PTPRM: variants seen among roughly 807,000 people sequenced by gnomAD.
The protein encoded by PTPRM is receptor-type tyrosine-protein phosphatase mu.
Under a neutral mutation model 186.7 loss-of-function variants are expected in PTPRM, and 47 were observed. The ratio of observed to expected loss-of-function variants is 0.25; its 90% CI spans 0.20 to 0.32. PTPRM has a LOEUF of 0.32. PTPRM is among the 10% of genes least tolerant of loss of function. The probability of loss-of-function intolerance (pLI) is 1.00; values close to 1 mark genes in which losing one functional copy is unlikely to be tolerated. For synonymous variants in PTPRM, 668 were observed against 674.9 expected, an observed-to-expected ratio of 0.99 and a Z score of 0.16; for missense variants, 1,494 against 1,865.0, an observed-to-expected ratio of 0.80 and a Z score of 3.66.
intron 1 of PTPRM, among the ~76,000 whole-genome samples, chr18:7,572,790 TTA>T (rs1211390296): frequency 4.6e-5 from 7 of 152,300 alleles, no homozygotes; most frequent in Non-Finnish European, 8.8e-5. Context: ...AACATGCATG[TTA>T]ATAGGCTTAT....
chr18:7,678,359 C>G (rs911165053), intron 1 of PTPRM, among the ~76,000 whole-genome samples: 3 of 152,172 alleles, frequency 2.0e-5, no homozygotes, highest in Non-Finnish European at 4.4e-5. Context: ...GTTTCCCAAT[C>G]TGGGTGATAA....
At chr18:8,282,648 G>C (rs2094916365) in intron 19 of PTPRM, among the ~76,000 whole-genome samples, 1 of 152,152 alleles carries the variant, frequency 6.6e-6, no homozygotes, top group African/African-American at 2.4e-5. Context: ...GGCGACAAGA[G>C]CTAAACCCTG....
intron 31 of PTPRM, among the ~76,000 whole-genome samples, chr18:8,387,750 G>A (rs569297816): frequency 6.2e-5 from 5 of 80,542 alleles, no homozygotes; most frequent in South Asian, 3.6e-4. Context: ...GTGTGTGTGC[G>A]TGTGTGCGTG....
intron 7 of PTPRM, among the ~76,000 whole-genome samples, chr18:8,040,670 T>G (rs1038928439): frequency 6.6e-6 from 1 of 152,206 alleles, no homozygotes; most frequent in Non-Finnish European, 1.5e-5. Context: ...GTCAGATATT[T>G]AAAACAGTAA....
chr18:7,568,613 G>T lies in PTPRM; in HGVS notation c.73+722G>T, dbSNP rs2036494085. ...CCCCCTCCCCACCCTCGTCCCCCTAGCGGAGCGCCGCGGCCAGCTGCAACT... is the reference window on the plus strand; with the variant it reads ...CCCCCTCCCCACCCTCGTCCCCCTATCGGAGCGCCGCGGCCAGCTGCAACT... On this transcript the variant is annotated intron_variant, in intron 1 of 32. Coordinates refer to ENST00000580170, the MANE Select transcript of PTPRM (RefSeq NM_001105244.2). The surrounding 1 kb of genome is among the most constrained non-coding windows in gnomAD (Gnocchi z 5.1). 6.6e-6 allele frequency among the ~76,000 whole-genome samples: 1 copy of T among 152,322 alleles called. No individual in the cohort carries two copies. Among genetic ancestry groups the T allele is most frequent in the East Asian group, 1.9e-4 (1 of 5,166 alleles).
chr18:8,046,184 C>T (rs1174942287), intron 7 of PTPRM, among the ~76,000 whole-genome samples: 1 of 152,132 alleles, frequency 6.6e-6, no homozygotes, highest in Non-Finnish European at 1.5e-5. Flanking sequence ...TGTAAGTTTC[C>T]TGAGATCTCC....
intron 1 of PTPRM, among the ~76,000 whole-genome samples, chr18:7,702,462 A>C (rs535279814): frequency 6.6e-6 from 1 of 151,908 alleles, no homozygotes; most frequent in African/African-American, 2.4e-5. Flanking sequence ...GGTTTTTTTC[A>C]TGTTTGTTGG....
intron 6 of PTPRM, among the ~76,000 whole-genome samples, chr18:7,952,124 A>G (rs73381860): frequency 0.019 from 2,878 of 152,332 alleles, 106 homozygotes; most frequent in African/African-American, 0.066. Context: ...TTACGTTTCT[A>G]TATTTCATAT....
chr18:8,273,846 G>A (rs2094801881), intron 19 of PTPRM, among the ~76,000 whole-genome samples: 1 of 152,200 alleles, frequency 6.6e-6, no homozygotes, highest in Non-Finnish European at 1.5e-5. Context: ...TGATGGAAAA[G>A]CAGTTTGCTC....
At chr18:7,981,380 G>C (rs1296415312) in intron 7 of PTPRM, among the ~76,000 whole-genome samples, 1 of 152,152 alleles carries the variant, frequency 6.6e-6, no homozygotes, top group East Asian at 1.9e-4. Flanking sequence ...GCTTTCAACA[G>C]ATATTTTGGA....
chr18:7,679,236 T>C (rs1404917104), intron 1 of PTPRM, among the ~76,000 whole-genome samples: 1 of 152,268 alleles, frequency 6.6e-6, no homozygotes, highest in Non-Finnish European at 1.5e-5. Flanking sequence ...GAAGATATAC[T>C]GTTTAAGTAT....
At chr18:7,948,957 T>C (rs1216868460) in intron 5 of PTPRM, among the ~76,000 whole-genome samples, 1 of 152,206 alleles carries the variant, frequency 6.6e-6, no homozygotes. Context: ...ACAAAAAATG[T>C]CTTCACACTT....
intron 1 of PTPRM, among the ~76,000 whole-genome samples, chr18:7,732,685 G>T (rs1458298962): frequency 6.6e-6 from 1 of 151,826 alleles, no homozygotes; most frequent in Non-Finnish European, 1.5e-5. Flanking sequence ...TTTTGAAATT[G>T]TTGTAGGAAC....
intron 25 of PTPRM, 56 bp downstream of exon 25, chr18:8,376,256 C>T (rs1450179631): frequency 3.8e-6 from 6 of 1,589,628 alleles, no homozygotes; most frequent in East Asian, 2.2e-5. Flanking sequence ...GGGTGCAGGG[C>T]CACCTTTGGG....
At position 8,121,360 on chromosome 18, in the gene PTPRM, T is replaced by C. The variant is rs528119532; in HGVS notation, c.2167+6533T>C. 1.8e-4 allele frequency among the ~76,000 whole-genome samples: 27 copies of C among 152,236 alleles called. 1 individual carries two copies. The highest frequency in any genetic ancestry group is 6.0e-4 in the African/African-American group (25 of 41,452). On this transcript the variant is annotated intron_variant, in intron 13 of 32. Coordinates refer to ENST00000580170, the MANE Select transcript of PTPRM (RefSeq NM_001105244.2). Reference sequence around the variant, plus strand: ...TTCCATGTAAATTAGTAATCTTTCATGTAAGCCTGTCCTTAATTTTCCAAT... The same window carrying C: ...TTCCATGTAAATTAGTAATCTTTCACGTAAGCCTGTCCTTAATTTTCCAAT...
At chr18:8,368,494 T>A (rs1023981372) in intron 23 of PTPRM, among the ~76,000 whole-genome samples, 3 of 152,180 alleles carry the variant, frequency 2.0e-5, no homozygotes, top group African/African-American at 7.2e-5. Flanking sequence ...GCTGAGCACT[T>A]ACTGAGGGCA....
intron 7 of PTPRM, among the ~76,000 whole-genome samples, chr18:7,986,996 A>G (rs1226281938): frequency 1.3e-5 from 2 of 152,182 alleles, no homozygotes; most frequent in African/African-American, 2.4e-5. Context: ...AACCCTGCCA[A>G]TGTCTTGATC....
intron 2 of PTPRM, among the ~76,000 whole-genome samples, chr18:7,829,519 C>G (rs573595777): frequency 6.6e-6 from 1 of 152,098 alleles, no homozygotes; most frequent in Non-Finnish European, 1.5e-5. Context: ...TATATGTAAA[C>G]AAACAAAACA....
At chr18:7,910,333 A>T (rs1387185912) in intron 4 of PTPRM, among the ~76,000 whole-genome samples, 1 of 152,218 alleles carries the variant, frequency 6.6e-6, no homozygotes, top group Admixed American at 6.5e-5. Context: ...GGTGTCTTGA[A>T]CAAAGAATTG....
Sources: gnomAD v4.1 joint callset for allele counts (sites outside exome capture counted in the v4.1 genomes callset) on GRCh38, gnomAD v4.1.1 for gene constraint, Gnocchi (gnomAD v3.1) non-coding constraint, MANE v1.5 for transcripts, NCBI Gene and HGNC (gene_info 2026-07-23, HGNC 2026-07-21) for gene names.